Variants in NEGR1 observed in about 807,000 individuals in gnomAD.
NEGR1 encodes the protein IgLON family member 4.
In NEGR1, 10 loss-of-function variants were observed where a neutral mutation model predicts 40.9. That is an observed-to-expected ratio of 0.24 (90% CI 0.15 to 0.42). NEGR1 has a LOEUF of 0.42. NEGR1 is among the 10% of genes least tolerant of loss of function. The pLI is 1.00. For missense variants in NEGR1, 352 were observed against 438.9 expected (o/e 0.80, Z 1.77); for synonymous variants, 185 against 166.8 (o/e 1.11, Z -0.84).
chr1:71,450,197 G>C (rs1302467368), intron 6 of NEGR1, among the ~76,000 whole-genome samples: 2 of 151,386 alleles, frequency 1.3e-5, no homozygotes, highest in Non-Finnish European at 2.9e-5. Context: ...CACCATGTTG[G>C]TTAGGTTTGT....
intron 1 of NEGR1, among the ~76,000 whole-genome samples, chr1:72,103,348 G>A (rs999496799): frequency 3.9e-5 from 6 of 151,912 alleles, no homozygotes; most frequent in Admixed American, 3.3e-4. Context: ...TTAGAATATG[G>A]TATGTTGACA....
At chr1:71,521,216 GA>G (rs1647154789) in intron 6 of NEGR1, among the ~76,000 whole-genome samples, 1 of 151,982 alleles carries the variant, frequency 6.6e-6, no homozygotes, top group African/African-American at 2.4e-5. Flanking sequence ...CAGCTGAATG[GA>G]AAACGGTCAA....
intron 3 of NEGR1, among the ~76,000 whole-genome samples, chr1:71,730,569 T>TATATATATATATATATATATATATA (rs1553161610): frequency 7.4e-6 from 1 of 134,726 alleles, no homozygotes; most frequent in Non-Finnish European, 1.6e-5. Context: ...TAGTATAAAT[T>TATATATATATATATATATATATATA]TATATATATA....
chr1:71,572,476 A>G (rs1024458724), intron 6 of NEGR1, among the ~76,000 whole-genome samples: 2 of 152,190 alleles, frequency 1.3e-5, no homozygotes, highest in African/African-American at 4.8e-5. Flanking sequence ...CAACAACAGT[A>G]CCCTGCACAT....
intron 2 of NEGR1, among the ~76,000 whole-genome samples, chr1:71,784,431 A>G (rs1656839545): frequency 6.6e-6 from 1 of 152,080 alleles, no homozygotes; most frequent in Non-Finnish European, 1.5e-5. Context: ...AGAAATGATG[A>G]CTTATTAACT....
At chr1:71,643,421 A>T (rs2101575491) in intron 4 of NEGR1, among the ~76,000 whole-genome samples, 1 of 151,972 alleles carries the variant, frequency 6.6e-6, no homozygotes, top group East Asian at 1.9e-4. Flanking sequence ...ATATGGGAAG[A>T]CATTGCAAAG....
At chr1:71,578,360 T>G (rs1368212759) in intron 6 of NEGR1, among the ~76,000 whole-genome samples, 4 of 152,298 alleles carry the variant, frequency 2.6e-5, no homozygotes, top group South Asian at 2.1e-4. Flanking sequence ...CTGGGGCTGG[T>G]GACAGTATAT....
intron 1 of NEGR1, among the ~76,000 whole-genome samples, chr1:71,997,143 A>G (rs924215979): frequency 1.3e-4 from 20 of 152,102 alleles, no homozygotes; most frequent in Admixed American, 3.3e-4. Flanking sequence ...CCTGTTGAAT[A>G]ACCTGCCATT....
At chr1:72,244,528 C>A (rs1434620153) in intron 1 of NEGR1, among the ~76,000 whole-genome samples, 1 of 151,742 alleles carries the variant, frequency 6.6e-6, no homozygotes, top group African/African-American at 2.4e-5. Flanking sequence ...GTTTATGCAT[C>A]TTTTATTTCG....
At position 72,045,856 on chromosome 1, in the gene NEGR1, T is replaced by C. The variant is rs1360757738; in HGVS notation, c.177-110545A>G. ...ATATGTAGTTTCATATGGAGTTATC[T>C]ACAGAAATTTCGAAAGAATATCTTA... is the stretch of plus-strand genomic sequence containing the variant. On this transcript the variant is annotated intron_variant, in intron 1 of 6. Coordinates refer to ENST00000357731, the MANE Select transcript of NEGR1 (RefSeq NM_173808.3). Among the ~76,000 whole-genome samples, 4 of 151,954 alleles carry C rather than the reference T, an allele frequency of 2.6e-5. No individual in the cohort carries two copies. In the East Asian group the frequency reaches 7.7e-4, roughly 29 times the overall value.
chr1:71,751,833 C>T (rs1655580814), intron 3 of NEGR1, among the ~76,000 whole-genome samples: 1 of 152,104 alleles, frequency 6.6e-6, no homozygotes, highest in Non-Finnish European at 1.5e-5. Flanking sequence ...CAAGGATATA[C>T]TCTTTCAGAA....
chr1:72,143,890 ATATAT>A (rs1324072078), intron 1 of NEGR1, among the ~76,000 whole-genome samples: 1 of 96,764 alleles, frequency 1.0e-5, no homozygotes, highest in African/African-American at 4.2e-5. Context: ...ATTCATATAT[ATATAT>A]TATATATATG....
chr1:71,877,153 C>CAAAACA (rs1553171664), intron 2 of NEGR1, among the ~76,000 whole-genome samples: 2 of 142,626 alleles, frequency 1.4e-5, no homozygotes, highest in Middle Eastern at 3.6e-3. Flanking sequence ...CAAAACAAAA[C>CAAAACA]AAAAAAAAAA....
At chr1:72,041,001 T>G (rs548912332) in intron 1 of NEGR1, among the ~76,000 whole-genome samples, 1 of 151,976 alleles carries the variant, frequency 6.6e-6, no homozygotes, top group African/African-American at 2.4e-5. Flanking sequence ...CATATGTCAT[T>G]GTAAGTAACC....
At chr1:71,477,069 T>C (rs1646826327) in intron 6 of NEGR1, 1 of 152,148 alleles carries the variant, frequency 6.6e-6, no homozygotes, top group African/African-American at 2.4e-5. Flanking sequence ...AATATGTACA[T>C]GGAGAAGAAT....
chr1:72,203,549 T>C (rs982150844), intron 1 of NEGR1, among the ~76,000 whole-genome samples: 1 of 152,150 alleles, frequency 6.6e-6, no homozygotes, highest in African/African-American at 2.4e-5. Flanking sequence ...TGTGTGAACA[T>C]TATTGCAATT....
chr1:72,092,818 GT>G (rs1648549500), intron 1 of NEGR1, among the ~76,000 whole-genome samples: 1 of 151,710 alleles, frequency 6.6e-6, no homozygotes, highest in South Asian at 2.1e-4. Context: ...TCCCAGCTAA[GT>G]TTTTGTATTT....
chr1:72,064,447 T>C (rs1647228785), intron 1 of NEGR1, among the ~76,000 whole-genome samples: 1 of 152,068 alleles, frequency 6.6e-6, no homozygotes, highest in Non-Finnish European at 1.5e-5. Context: ...ACAAGCAATA[T>C]GTTGATAGTG....
At chr1:72,084,943 A>G (rs1347353669) in intron 1 of NEGR1, among the ~76,000 whole-genome samples, 1 of 152,216 alleles carries the variant, frequency 6.6e-6, no homozygotes, top group Non-Finnish European at 1.5e-5. Context: ...AATGAAAGCA[A>G]CATAATGATT....
Sources: allele counts gnomAD v4.1 joint callset (sites outside exome capture counted in the v4.1 genomes callset), GRCh38; gene constraint gnomAD v4.1.1; transcripts MANE v1.5; gene names NCBI Gene and HGNC (gene_info 2026-07-23, HGNC 2026-07-21).